RBFOX1: variants seen among roughly 807,000 people sequenced by gnomAD.
RBFOX1 encodes the protein RNA binding protein fox-1 homolog 1.
RBFOX1 carries 8 observed loss-of-function variants against 57.7 expected under a neutral mutation model. That is an observed-to-expected ratio of 0.14 (90% CI 0.08 to 0.25). RBFOX1 has a LOEUF of 0.25. Ranked by LOEUF, RBFOX1 falls within the 10% of genes least tolerant of loss-of-function variation. The pLI, the probability that RBFOX1 is intolerant of heterozygous loss-of-function variation, is 1.00. For synonymous variants in RBFOX1, 326 were observed against 222.4 expected, an observed-to-expected ratio of 1.47 and a Z score of -4.15; for missense variants, 611 against 548.5, an observed-to-expected ratio of 1.11 and a Z score of -1.14.
At chr16:6,322,240 C>G (rs968286705) in intron 2 of RBFOX1, among the ~76,000 whole-genome samples, 1 of 152,180 alleles carries the variant, frequency 6.6e-6, no homozygotes, top group African/African-American at 2.4e-5. Context: ...TGGATCCCAG[C>G]CAACAGATTG....
At chr16:6,515,655 C>G (rs1189670879) in intron 2 of RBFOX1, among the ~76,000 whole-genome samples, 1 of 152,144 alleles carries the variant, frequency 6.6e-6, no homozygotes, top group Non-Finnish European at 1.5e-5. Context: ...TCTAAATAAT[C>G]TCTTTAATCT....
intron 4 of RBFOX1, among the ~76,000 whole-genome samples, chr16:7,091,645 C>G (rs958741853): frequency 1.3e-5 from 2 of 152,196 alleles, no homozygotes; most frequent in African/African-American, 4.8e-5. Context: ...AGCTCCAGTT[C>G]TCAGCCTGCT....
At chr16:5,861,565 G>A (rs2057214278) in intron 3 of RBFOX1, among the ~76,000 whole-genome samples, 1 of 152,144 alleles carries the variant, frequency 6.6e-6, no homozygotes, top group Non-Finnish European at 1.5e-5. Context: ...CCATTGTGTT[G>A]GGCTGTTATG....
chr16:6,580,942 A>T (rs1170647573), intron 2 of RBFOX1, among the ~76,000 whole-genome samples: 1 of 151,528 alleles, frequency 6.6e-6, no homozygotes, highest in African/African-American at 2.4e-5. Flanking sequence ...TTTTCCCCCA[A>T]AATCATAATT....
chr16:6,528,371 C>T (rs796830858), intron 2 of RBFOX1, among the ~76,000 whole-genome samples: 6 of 152,174 alleles, frequency 3.9e-5, no homozygotes, highest in Admixed American at 1.3e-4. Context: ...GTCTCCAACA[C>T]ATTATAAATA....
intron 4 of RBFOX1, among the ~76,000 whole-genome samples, chr16:7,214,198 C>T (rs2091642680): frequency 6.6e-6 from 1 of 152,134 alleles, no homozygotes; most frequent in African/African-American, 2.4e-5. Flanking sequence ...TTCATTTATC[C>T]TAGGATATGT....
chr16:5,312,765 G>A (rs1015974512), intron 1 of RBFOX1, among the ~76,000 whole-genome samples: 5 of 152,176 alleles, frequency 3.3e-5, no homozygotes, highest in African/African-American at 1.2e-4. Context: ...ACCTATAGTG[G>A]CTGATGCTGC....
chr16:6,903,392 G>A (rs1018419416), intron 3 of RBFOX1, among the ~76,000 whole-genome samples: 1 of 152,168 alleles, frequency 6.6e-6, no homozygotes, highest in Admixed American at 6.5e-5. Context: ...TAACATAGAG[G>A]CCAGTTCTGC....
chr16:7,310,492 C>G (rs2096283051), intron 4 of RBFOX1, among the ~76,000 whole-genome samples: 1 of 152,008 alleles, frequency 6.6e-6, no homozygotes, highest in African/African-American at 2.4e-5. Context: ...TGTGGAGCAC[C>G]CAGAGTCCTG....
At chr16:6,622,763 A>G (rs1367979471) in intron 2 of RBFOX1, among the ~76,000 whole-genome samples, 2 of 152,200 alleles carry the variant, frequency 1.3e-5, no homozygotes, top group Admixed American at 1.3e-4. Context: ...TATTTAAATA[A>G]TGATTTAAAT....
intron 5 of RBFOX1, among the ~76,000 whole-genome samples, chr16:7,570,385 A>T (rs996995111): frequency 3.3e-5 from 5 of 152,188 alleles, no homozygotes; most frequent in African/African-American, 1.2e-4. Flanking sequence ...CTGAGCACAG[A>T]ACTTCAACAT....
intron 4 of RBFOX1, among the ~76,000 whole-genome samples, chr16:7,111,407 G>A (rs2064744998): frequency 6.6e-6 from 1 of 152,080 alleles, no homozygotes; most frequent in Admixed American, 6.6e-5. Flanking sequence ...TTATTATACT[G>A]TATGAATTTA....
chr16:7,026,089 A>G (rs1323909071), intron 3 of RBFOX1, among the ~76,000 whole-genome samples: 1 of 152,146 alleles, frequency 6.6e-6, no homozygotes, highest in Admixed American at 6.5e-5. Flanking sequence ...GGTGCTTGCT[A>G]TGTGGGCAGG....
intron 2 of RBFOX1, among the ~76,000 whole-genome samples, chr16:5,565,303 A>G (rs529186929): frequency 5.3e-5 from 8 of 150,282 alleles, no homozygotes; most frequent in African/African-American, 2.0e-4. Context: ...GTTCATGTGC[A>G]TGCATGTGCA....
intron 3 of RBFOX1, among the ~76,000 whole-genome samples, chr16:6,922,442 G>A (rs1222752416): frequency 6.6e-6 from 1 of 152,184 alleles, no homozygotes; most frequent in African/African-American, 2.4e-5. Flanking sequence ...CTTCCAGGCT[G>A]TCTTGCCTCT....
At chr16:7,250,126 A>C (rs148843175) in intron 4 of RBFOX1, among the ~76,000 whole-genome samples, 2 of 152,078 alleles carry the variant, frequency 1.3e-5, no homozygotes, top group Non-Finnish European at 2.9e-5. Context: ...CTGCTTCTTC[A>C]TGTCTTTCAA....
chr16:6,802,669 C>T (rs754101226), intron 3 of RBFOX1, among the ~76,000 whole-genome samples: 1 of 152,066 alleles, frequency 6.6e-6, no homozygotes, highest in Admixed American at 6.6e-5. Flanking sequence ...AGTGAGACTC[C>T]GTCTCAATTA....
chr16:6,873,065 C>T (rs2061225170), intron 3 of RBFOX1, among the ~76,000 whole-genome samples: 1 of 151,530 alleles, frequency 6.6e-6, no homozygotes, highest in Non-Finnish European at 1.5e-5. Context: ...TATGCAAAGC[C>T]ACCCAAACTT....
At chr16:5,731,156 C>A (rs549585454) in intron 3 of RBFOX1, among the ~76,000 whole-genome samples, 1 of 152,258 alleles carries the variant, frequency 6.6e-6, no homozygotes, top group Non-Finnish European at 1.5e-5. Flanking sequence ...TTATCATTAC[C>A]ATCATCTTCA....
Sources: allele counts gnomAD v4.1 joint callset (sites outside exome capture counted in the v4.1 genomes callset), GRCh38; gene constraint gnomAD v4.1.1; transcripts MANE v1.5; gene names NCBI Gene and HGNC (gene_info 2026-07-23, HGNC 2026-07-21).